Variants in ZMAT1 observed in about 807,000 individuals in gnomAD.
ZMAT1 encodes the protein zinc finger matrin-type protein 1.
ZMAT1 carries 11 observed loss-of-function variants against 18.5 expected under a neutral mutation model. The ratio of observed to expected loss-of-function variants is 0.59; its 90% CI spans 0.37 to 0.98. ZMAT1 has a LOEUF of 0.98. Among genes scored for constraint, ZMAT1 ranks in the 50% least tolerant of loss-of-function variants. The probability of loss-of-function intolerance (pLI) is 0.01; values close to 1 mark genes in which losing one functional copy is unlikely to be tolerated. For synonymous variants in ZMAT1, 211 were observed against 176.4 expected, an observed-to-expected ratio of 1.20 and a Z score of -1.55; for missense variants, 525 against 496.2, an observed-to-expected ratio of 1.06 and a Z score of -0.55.
chrX:101,923,456 C>T (rs946750616), intron 1 of ZMAT1, among the ~76,000 whole-genome samples: 2 of 111,520 alleles, frequency 1.8e-5, no homozygotes, highest in Non-Finnish European at 1.9e-5. Context: ...TTACAGAGGA[C>T]CCAAACACCT....
chrX:101,927,775 T>G (rs1452793979), intron 1 of ZMAT1, among the ~76,000 whole-genome samples: 1 of 111,998 alleles, frequency 8.9e-6, no homozygotes, highest in Non-Finnish European at 1.9e-5. Context: ...AACAGGTTAG[T>G]AAATGTGAAT....
chrX:101,903,774 G>A (rs1242197757), intron 2 of ZMAT1, among the ~76,000 whole-genome samples: 1 of 111,924 alleles, frequency 8.9e-6, no homozygotes, highest in Non-Finnish European at 1.9e-5. Flanking sequence ...TTTAGCTCTA[G>A]GATTCTACAT....
intron 2 of ZMAT1, among the ~76,000 whole-genome samples, chrX:101,903,777 T>C: frequency 8.9e-6 from 1 of 112,245 alleles, no homozygotes; most frequent in Non-Finnish European, 1.9e-5. Context: ...AGCTCTAGGA[T>C]TCTACATTCC....
intron 1 of ZMAT1, among the ~76,000 whole-genome samples, chrX:101,909,032 G>A (rs900696888): frequency 3.7e-5 from 4 of 108,405 alleles, no homozygotes; most frequent in African/African-American, 1.3e-4. Flanking sequence ...GAGGAGAGGA[G>A]AGGTAAGAGA....
intron 1 of ZMAT1, among the ~76,000 whole-genome samples, chrX:101,907,434 G>A (rs1156810416): frequency 1.8e-5 from 2 of 112,421 alleles, no homozygotes; most frequent in Non-Finnish European, 3.8e-5. Context: ...GGGCTGACTG[G>A]TGAAGGGCTT....
chrX:101,922,967 T>A (rs769310617), intron 1 of ZMAT1, among the ~76,000 whole-genome samples: 60 of 111,431 alleles, frequency 5.4e-4, no homozygotes, highest in African/African-American at 1.8e-3. Context: ...CAGATAATGT[T>A]GACTGTGAGG....
intron 1 of ZMAT1, chrX:101,912,077 C>T: frequency 9.1e-7 from 1 of 1,102,280 alleles, no homozygotes; most frequent in Non-Finnish European, 1.2e-6. Context: ...TGGATAAACC[C>T]ACTCCACATG....
At chrX:101,891,748 T>C (rs962191001) in intron 4 of ZMAT1, among the ~76,000 whole-genome samples, 15 of 111,401 alleles carry the variant, frequency 1.3e-4, no homozygotes, top group Non-Finnish European at 2.8e-4. Flanking sequence ...AAGATGTTCA[T>C]TGGACTTACA....
rs1374792792 is a variant in ZMAT1, at chrX:101,884,170, A to G, written c.1428T>C (p.Asp476=). 7 of 1,210,657 alleles carry G rather than the reference A, an allele frequency of 5.8e-6. No individual in the cohort carries two copies. The highest frequency in any genetic ancestry group is 6.7e-6 in the Non-Finnish European group (6 of 895,150). The change falls in exon 6 of 6, where the codon GAT becomes GAC. Residue 476 remains aspartate (D), a synonymous_variant. Coordinates refer to ENST00000651725, the MANE Select transcript of ZMAT1 (RefSeq NM_001394560.1). ...EPKTCFRKIG[D]SSVETHRNRE... ...TGTTCCTGTGTGTTTCTACAGAGCT[A>G]TCTCCTATCTTTCTGAAACAAGTTT... is the stretch of plus-strand genomic sequence containing the variant.
intron 1 of ZMAT1, chrX:101,912,034 C>T: frequency 8.6e-7 from 1 of 1,156,958 alleles, no homozygotes; most frequent in African/African-American, 1.8e-5. Flanking sequence ...TTACACACAG[C>T]TCCTCCCTTA....
rs370996061 is a variant in ZMAT1, at chrX:101,883,466, GT to G, written c.*43del. The G allele has an allele frequency of 4.5e-3, 3,621 of 801,263 alleles. No individual in the cohort carries two copies. The highest frequency in any genetic ancestry group is 4.7e-3 in the Non-Finnish European group (2,840 of 603,655). 66.0% of individuals were successfully genotyped at this position (801,263 alleles called of 1,213,427 possible). On this transcript the variant is annotated 3_prime_UTR_variant, in exon 6 of 6. Transcript: ENST00000651725. ...TCCTTTTTCTAAATCCATATTGACT[GT>G]TTTTTTTTTTCAATTCAACCTTGGG...
In ZMAT1 at chrX:101,884,331, G is replaced by T; in HGVS notation, c.1267C>A (p.Arg423=). The T allele has an allele frequency of 8.3e-7, 1 of 1,210,886 alleles. No homozygotes were observed. The highest frequency in any genetic ancestry group is 1.1e-6 in the Non-Finnish European group (1 of 895,145). ...TCCACTGGTGAAATATGGTATGGTC[G>T]TTGGTAGGTCTGGGAAGCCTCATGT... ...FSHEASQTYQ[R]PYHISPVESQ... is the part of the protein sequence containing the mutation. The change falls in exon 6 of 6, where the codon CGA becomes AGA. Residue 423 remains arginine (R), a synonymous_variant. Transcript: ENST00000651725.
chrX:101,929,760 T>TA (rs1197790312), intron 1 of ZMAT1, among the ~76,000 whole-genome samples: 1 of 111,294 alleles, frequency 9.0e-6, no homozygotes, highest in Non-Finnish European at 1.9e-5. Context: ...AAAGGTTTCT[T>TA]ACGATTTATG....
At chrX:101,898,904 T>C (rs974075018) in intron 2 of ZMAT1, among the ~76,000 whole-genome samples, 3 of 111,156 alleles carry the variant, frequency 2.7e-5, no homozygotes, top group African/African-American at 9.8e-5. Flanking sequence ...AAAAATTAGC[T>C]GGGCGTGGTG....
At position 101,897,740 on chromosome X, in the gene ZMAT1, A is replaced by G. The variant is rs781595197; in HGVS notation, c.676+128T>C. 1.4e-4 allele frequency: 76 copies of G among 525,694 alleles called. No homozygotes were observed. In the South Asian group the frequency reaches 3.1e-3, roughly 21 times the overall value. The allele number at this position is 525,694 out of a possible 1,213,427, so 43.3% of individuals were successfully genotyped here. A position where few individuals can be genotyped will look rare whatever the true frequency, so the allele number is the denominator to read the frequency against. On this transcript the variant is annotated intron_variant, in intron 4 of 5. Transcript: ENST00000651725. ...AGACAGACACAGAGATTAACTGGGAAGAAGAATAATAATCAAGTTATTTCA... is the reference window on the plus strand; with the variant it reads ...AGACAGACACAGAGATTAACTGGGAGGAAGAATAATAATCAAGTTATTTCA...
At chrX:101,891,789 G>T (rs1927426626) in intron 4 of ZMAT1, among the ~76,000 whole-genome samples, 3 of 111,587 alleles carry the variant, frequency 2.7e-5, no homozygotes, top group Non-Finnish European at 5.7e-5. Context: ...ACTGTGAGTA[G>T]TAGTTACAGT....
At chrX:101,924,954 A>G (rs1225610676) in intron 1 of ZMAT1, among the ~76,000 whole-genome samples, 1 of 112,401 alleles carries the variant, frequency 8.9e-6, no homozygotes, top group Non-Finnish European at 1.9e-5. Context: ...TTGGCAATGT[A>G]AATGTAGTTA....
At chrX:101,896,395 T>C (rs7882776) in intron 4 of ZMAT1, among the ~76,000 whole-genome samples, 6,675 of 111,519 alleles carry the variant, frequency 0.06, 432 homozygotes, top group African/African-American at 0.19. Context: ...GTTGATAAAT[T>C]TTGGGACTGA....
At chrX:101,888,285 G>A (rs1927110517) in intron 4 of ZMAT1, 1 of 111,524 alleles carries the variant, frequency 9.0e-6, no homozygotes, top group Non-Finnish European at 1.9e-5. Context: ...ACTAAACCCA[G>A]GAGAGTACAT....
Sources: allele counts gnomAD v4.1 joint callset (sites outside exome capture counted in the v4.1 genomes callset), GRCh38; gene constraint gnomAD v4.1.1; transcripts MANE v1.5; gene names NCBI Gene and HGNC (gene_info 2026-07-23, HGNC 2026-07-21).